The following RB1CC1 variants were observed in gnomAD, a reference collection of about 807,000 sequenced individuals.
RB1CC1 encodes the protein RB1-inducible coiled-coil protein 1.
RB1CC1 carries 46 observed loss-of-function variants against 177.5 expected under a neutral mutation model. That is an observed-to-expected ratio of 0.26 (90% CI 0.20 to 0.33). The LOEUF (loss-of-function observed/expected upper bound fraction) is 0.33. RB1CC1 is among the 10% of genes least tolerant of loss of function. The pLI is 1.00. For synonymous variants in RB1CC1, 666 were observed against 613.6 expected (o/e 1.09, Z -1.26); for missense variants, 1,703 against 1,816.3 (o/e 0.94, Z 1.13).
Position 52,686,888 on chromosome 8 carries a change from A to T in RB1CC1, c.-87T>A, listed in dbSNP as rs1369168717. 3 of 456,592 alleles carry T rather than the reference A, an allele frequency of 6.6e-6. No individual in the cohort carries two copies. In the East Asian group the frequency reaches 2.1e-4, roughly 32 times the overall value. 28.3% of individuals were successfully genotyped at this position (456,592 alleles called of 1,614,324 possible). A position where few individuals can be genotyped will look rare whatever the true frequency, so the allele number is the denominator to read the frequency against. On this transcript the variant is annotated 5_prime_UTR_variant, in exon 2 of 24. Coordinates refer to ENST00000025008, the MANE Select transcript of RB1CC1 (RefSeq NM_014781.5). ...TGTGAAAAGGACTACCACTTTTCTTAAAAAGTAGATTAAAACTGGCTTATG... is the reference window on the plus strand; with the variant it reads ...TGTGAAAAGGACTACCACTTTTCTTTAAAAGTAGATTAAAACTGGCTTATG...
chr8:52,663,698 T>C (rs953836029), intron 8 of RB1CC1, among the ~76,000 whole-genome samples: 10 of 152,152 alleles, frequency 6.6e-5, no homozygotes, highest in African/African-American at 1.9e-4. Context: ...GAAATACCAT[T>C]AGCAGCAACA....
At chr8:52,660,826 G>A in intron 11 of RB1CC1, 100 bp downstream of exon 11, 1 of 1,107,342 alleles carries the variant, frequency 9.0e-7, no homozygotes, top group Non-Finnish European at 1.3e-6. Context: ...GATATCAATG[G>A]CAATTAACAG....
chr8:52,659,171 G>A (rs930741208), intron 12 of RB1CC1, among the ~76,000 whole-genome samples, 195 bp from the exon 13 acceptor site: 3 of 152,098 alleles, frequency 2.0e-5, no homozygotes, highest in Non-Finnish European at 2.9e-5. Flanking sequence ...AAACTGCGAC[G>A]TGAACTGCTA....
At chr8:52,698,047 A>G (rs1445990169) in intron 1 of RB1CC1, among the ~76,000 whole-genome samples, 1 of 152,204 alleles carries the variant, frequency 6.6e-6, no homozygotes, top group East Asian at 1.9e-4. Flanking sequence ...AGGATTTAAA[A>G]TGTTACGGAT....
intron 8 of RB1CC1, among the ~76,000 whole-genome samples, chr8:52,662,568 A>T (rs1316443852): frequency 6.6e-6 from 1 of 152,086 alleles, no homozygotes; most frequent in East Asian, 1.9e-4. Context: ...TAGGTTTTGT[A>T]CATCCATCTG....
intron 19 of RB1CC1, among the ~76,000 whole-genome samples, chr8:52,635,283 A>G (rs1051587765): frequency 6.6e-6 from 1 of 152,180 alleles, no homozygotes; most frequent in Non-Finnish European, 1.5e-5. Flanking sequence ...AGTCGTGCCT[A>G]AGAGAATACA....
intron 18 of RB1CC1, among the ~76,000 whole-genome samples, chr8:52,642,120 G>A (rs925678530): frequency 2.0e-5 from 3 of 151,936 alleles, no homozygotes; most frequent in African/African-American, 7.3e-5. Flanking sequence ...CCTTATCTTG[G>A]CAGTATGGGA....
chr8:52,692,987 G>A (rs889044447), intron 1 of RB1CC1, among the ~76,000 whole-genome samples: 2 of 152,148 alleles, frequency 1.3e-5, no homozygotes, highest in African/African-American at 4.8e-5. Context: ...ACAACCACCT[G>A]ATCTTCCACA....
intron 7 of RB1CC1, 69 bp from the exon 8 acceptor site, chr8:52,668,260 C>G: frequency 6.5e-7 from 1 of 1,527,214 alleles, no homozygotes; most frequent in Non-Finnish European, 8.9e-7. Flanking sequence ...TCATGCTATT[C>G]TGACATACAG....
chr8:52,669,460 A>T (rs1852359990), intron 7 of RB1CC1, among the ~76,000 whole-genome samples: 1 of 152,180 alleles, frequency 6.6e-6, no homozygotes, highest in African/African-American at 2.4e-5. Flanking sequence ...ATTAATGCAT[A>T]GAGTCTTGTA....
chr8:52,670,688 C>T (rs2150539896), intron 7 of RB1CC1, among the ~76,000 whole-genome samples: 1 of 152,272 alleles, frequency 6.6e-6, no homozygotes, highest in Middle Eastern at 3.4e-3. Context: ...AAACAGAACA[C>T]TCAAGAGTCA....
chr8:52,641,433 GC>G (rs1487908354), intron 18 of RB1CC1, among the ~76,000 whole-genome samples: 1 of 148,882 alleles, frequency 6.7e-6, no homozygotes, highest in Non-Finnish European at 1.5e-5. Context: ...AAATATTAAT[GC>G]CCAAAGCAAC....
chr8:52,679,337 A>G (rs553909753), intron 5 of RB1CC1, among the ~76,000 whole-genome samples: 66 of 152,244 alleles, frequency 4.3e-4, no homozygotes, highest in African/African-American at 1.6e-3. Flanking sequence ...AACTGACAGC[A>G]TATCTTCATA....
At chr8:52,713,139 T>C (rs949784172) in intron 1 of RB1CC1, among the ~76,000 whole-genome samples, 7 of 152,130 alleles carry the variant, frequency 4.6e-5, no homozygotes, top group African/African-American at 1.7e-4. Flanking sequence ...AGTTAGCAAA[T>C]AGGTACACTT....
At chr8:52,649,292 T>C (rs994568754) in intron 15 of RB1CC1, among the ~76,000 whole-genome samples, 30 of 152,182 alleles carry the variant, frequency 2.0e-4, no homozygotes, top group Admixed American at 6.5e-5. Context: ...AGGAAGCAGA[T>C]ACATTTGTTA....
chr8:52,672,600 G>A (rs1389866412), intron 7 of RB1CC1, among the ~76,000 whole-genome samples: 1 of 152,106 alleles, frequency 6.6e-6, no homozygotes, highest in East Asian at 1.9e-4. Context: ...GAAAAAATTA[G>A]CTGGACATGG....
intron 1 of RB1CC1, among the ~76,000 whole-genome samples, chr8:52,694,134 T>C (rs888189436): frequency 1.1e-4 from 16 of 152,006 alleles, no homozygotes; most frequent in African/African-American, 3.1e-4. Flanking sequence ...CCCCTTTGCA[T>C]CCTCACACAC....
chr8:52,685,632 T>C, intron 2 of RB1CC1, 112 bp from the exon 3 acceptor site: 2 of 426,476 alleles, frequency 4.7e-6, no homozygotes, highest in Non-Finnish European at 8.3e-6. Context: ...AATATCAAAA[T>C]GGGCTTTGAT....
At chr8:52,670,894 T>C (rs533904102) in intron 7 of RB1CC1, among the ~76,000 whole-genome samples, 1 of 150,776 alleles carries the variant, frequency 6.6e-6, no homozygotes, top group African/African-American at 2.4e-5. Flanking sequence ...AGGTGAAGGC[T>C]GCAGTGAGCC....
Sources: gnomAD v4.1 joint callset for allele counts (sites outside exome capture counted in the v4.1 genomes callset) on GRCh38, gnomAD v4.1.1 for gene constraint, MANE v1.5 for transcripts, NCBI Gene and HGNC (gene_info 2026-07-23, HGNC 2026-07-21) for gene names.